PCDHA4: variants seen among roughly 807,000 people sequenced by gnomAD.
The protein encoded by PCDHA4 is protocadherin alpha-4.
PCDHA4 carries 49 observed loss-of-function variants against 61.4 expected under a neutral mutation model. The ratio of observed to expected loss-of-function variants is 0.80; its 90% confidence interval spans 0.63 to 1.01. PCDHA4 has a LOEUF of 1.01. PCDHA4 is among the 50% of genes least tolerant of loss of function. PCDHA4 has a pLI of 0.00. For missense variants in PCDHA4, 1,254 were observed against 1,235.8 expected (o/e 1.01, Z -0.22); for synonymous variants, 590 against 550.3 (o/e 1.07, Z -1.01).
At chr5:140,924,187 G>A (rs1238020963) in intron 1 of PCDHA4, among the ~76,000 whole-genome samples, 1 of 152,220 alleles carries the variant, frequency 6.6e-6, no homozygotes, top group Non-Finnish European at 1.5e-5. Flanking sequence ...CAGAAAATTA[G>A]TTTTGGTTTA....
chr5:140,905,493 T>C (rs185992010), intron 1 of PCDHA4, among the ~76,000 whole-genome samples: 10 of 152,288 alleles, frequency 6.6e-5, no homozygotes, highest in Non-Finnish European at 1.5e-4. Context: ...CTTCTTTTTG[T>C]TTTGTATTGC....
intron 1 of PCDHA4, among the ~76,000 whole-genome samples, chr5:140,977,388 T>C (rs1187960215): frequency 6.6e-6 from 1 of 152,248 alleles, no homozygotes; most frequent in East Asian, 1.9e-4. Flanking sequence ...TCCAGGTTTA[T>C]AAAATGATTT....
rs782208845 is a variant in PCDHA4 at position 140,857,288 on chromosome 5, C to G, written c.2385+47716C>G. ...ATTGGTGCTGGACAGCGCTCTGGAC[C>G]GCGAGAGGGTGTCGGCCTATGAGCT... On this transcript the variant is annotated intron_variant, in intron 1 of 3. Transcript: ENST00000530339. 42 of 1,598,652 alleles carry G rather than the reference C, an allele frequency of 2.6e-5. 1 individual carries two copies. The highest frequency in any genetic ancestry group is 3.3e-5 in the Non-Finnish European group (39 of 1,168,028).
Position 140,809,361 on chromosome 5 carries a change from C to T in PCDHA4, c.2174C>T (p.Ala725Val), listed in dbSNP as rs782686583. ...LLLYTALRCS[A>V]LPTEGACAPG... ...CTGTACACCGCGCTGCGGTGCTCTG[C>T]GCTGCCCACCGAGGGCGCGTGCGCT... Residue 725 changes from alanine (A) to valine (V), a missense_variant, in exon 1 of 4, where the codon GCG becomes GTG. Transcript: ENST00000530339. The T allele has an allele frequency of 6.2e-7, 1 of 1,613,904 alleles. No homozygotes were observed. The highest frequency in any genetic ancestry group is 2.2e-5 in the East Asian group (1 of 44,882).
intron 1 of PCDHA4, among the ~76,000 whole-genome samples, chr5:140,930,792 A>G (rs782797665): frequency 4.9e-4 from 74 of 152,228 alleles, no homozygotes; most frequent in Admixed American, 1.4e-3. Flanking sequence ...AATATAATAG[A>G]ATCCAGCATA....
intron 1 of PCDHA4, chr5:140,875,507 A>G: frequency 6.2e-7 from 1 of 1,613,674 alleles, no homozygotes. Context: ...CCGGGATCCC[A>G]GCGTCTGCTG....
chr5:140,872,791 G>A (rs549291235), intron 1 of PCDHA4, among the ~76,000 whole-genome samples: 1 of 152,194 alleles, frequency 6.6e-6, no homozygotes, highest in South Asian at 2.1e-4. Flanking sequence ...TATGCTAGTT[G>A]GCATTCTTCC....
chr5:140,856,155 A>G (rs533990024), intron 1 of PCDHA4: 1 of 1,598,294 alleles, frequency 6.3e-7, no homozygotes, highest in African/African-American at 1.3e-5. Context: ...TCAGTCTACG[A>G]GGAGGCCAGA....
At chr5:140,992,471 A>G (rs1563581785) in intron 3 of PCDHA4, among the ~76,000 whole-genome samples, 1 of 152,186 alleles carries the variant, frequency 6.6e-6, no homozygotes, top group Non-Finnish European at 1.5e-5. Context: ...TACTCTTTAG[A>G]TCACCCAGAG....
At chr5:140,963,608 G>A (rs1308315109) in intron 1 of PCDHA4, among the ~76,000 whole-genome samples, 2 of 152,186 alleles carry the variant, frequency 1.3e-5, no homozygotes, top group African/African-American at 2.4e-5. Context: ...ACGTAATTGG[G>A]AAAGCTTAAC....
chr5:140,976,644 A>G (rs1487728765), intron 1 of PCDHA4, among the ~76,000 whole-genome samples: 1 of 152,228 alleles, frequency 6.6e-6, no homozygotes, highest in Admixed American at 6.5e-5. Context: ...CAGACAAGTA[A>G]TTTAATCTCT....
rs1309730061 is a variant in PCDHA4, at chr5:140,826,016, T to G, written c.2385+16444T>G. 2.6e-5 allele frequency among the ~76,000 whole-genome samples: 4 copies of G among 152,338 alleles called. No homozygotes were observed. In the South Asian group the frequency reaches 8.3e-4, roughly 32 times the overall value. On this transcript the variant is annotated intron_variant, in intron 1 of 3. Coordinates refer to ENST00000530339, the MANE Select transcript of PCDHA4 (RefSeq NM_018907.4). ...AGTAAATAGTCCACACTTTACATGA[T>G]AAAATGTGAATTCCCTATTTCTGTT...
chr5:140,983,211 T>C (rs1429696975), intron 3 of PCDHA4, among the ~76,000 whole-genome samples: 1 of 152,204 alleles, frequency 6.6e-6, no homozygotes, highest in African/African-American at 2.4e-5. Context: ...AGGGACTATT[T>C]CCTAATCCAA....
chr5:140,809,166 C>A lies in PCDHA4; in HGVS notation c.1979C>A (p.Thr660Lys). The part of the protein sequence containing the change: ...LVKDHGEPAL[T>K]ATATVLVSLV... The stretch of plus-strand genomic sequence containing the variant: ...AAGGACCACGGCGAGCCCGCGCTGA[C>A]GGCCACGGCCACTGTGCTGGTGTCA... The change falls in exon 1 of 4, where the codon ACG becomes AAG. Residue 660 changes from threonine (T) to lysine (K), a missense_variant. Thr to Lys is a moderately conservative substitution (Grantham distance 78). Transcript: ENST00000530339. The A allele has an allele frequency of 1.2e-6, 2 of 1,613,942 alleles. No homozygotes were observed. The highest frequency in any genetic ancestry group is 1.7e-6 in the Non-Finnish European group (2 of 1,179,932).
rs1382247797 is a variant in PCDHA4 at position 141,012,282 on chromosome 5, C to T, written c.*2345C>T. 2.6e-5 allele frequency: 4 copies of T among 153,718 alleles called. No individual in the cohort carries two copies. Among genetic ancestry groups the T allele is most frequent in the Non-Finnish European group, 4.4e-5 (3 of 68,036 alleles). 9.5% of individuals were successfully genotyped at this position (153,718 alleles called of 1,614,324 possible). Reference sequence around the variant, plus strand: ...AAGGATAAAACACGTCATGTGGATTCATTTTGAATTGGTGCTATTGGTATT... The same window carrying T: ...AAGGATAAAACACGTCATGTGGATTTATTTTGAATTGGTGCTATTGGTATT... On this transcript the variant is annotated 3_prime_UTR_variant, in exon 4 of 4. Coordinates refer to ENST00000530339, the MANE Select transcript of PCDHA4 (RefSeq NM_018907.4).
chr5:140,842,062 C>G lies in PCDHA4; in HGVS notation c.2385+32490C>G, dbSNP rs548664799. The G allele has an allele frequency of 3.1e-6, 5 of 1,613,774 alleles. No individual in the cohort carries two copies. In the African/African-American group the frequency reaches 6.7e-5, roughly 22 times the overall value. ...CTCCCACTTTCGAACAGTCTGAATA[C>G]GAAGTAAGAATATTCGAAAACGCAG... On this transcript the variant is annotated intron_variant, in intron 1 of 3. Coordinates refer to ENST00000530339, the MANE Select transcript of PCDHA4 (RefSeq NM_018907.4).
intron 1 of PCDHA4, among the ~76,000 whole-genome samples, chr5:140,935,606 T>C (rs531169810): frequency 6.6e-6 from 1 of 152,352 alleles, no homozygotes; most frequent in East Asian, 1.9e-4. Flanking sequence ...GAGCTAGGCT[T>C]TTTTCAAGTC....
intron 1 of PCDHA4, among the ~76,000 whole-genome samples, chr5:140,961,995 TG>T (rs2095649493): frequency 1.3e-5 from 2 of 152,062 alleles, no homozygotes; most frequent in African/African-American, 4.8e-5. Flanking sequence ...GCCATTGTCC[TG>T]CCTCAGCTTC....
rs2150241896 is a variant in PCDHA4 at position 140,835,685 on chromosome 5, T to A, written c.2385+26113T>A. ...CCGCGCGGGACGGGGGCTCGCCTTC[T>A]CTGTGGGCCACTGCTAGCGTGTCCG... On this transcript the variant is annotated intron_variant, in intron 1 of 3. Transcript: ENST00000530339. 6.8e-6 allele frequency: 11 copies of A among 1,613,764 alleles called. No individual in the cohort carries two copies. The East Asian group carries it at 1.8e-4, about 26-fold the overall frequency.
Sources: allele counts gnomAD v4.1 joint callset (sites outside exome capture counted in the v4.1 genomes callset), GRCh38; gene constraint gnomAD v4.1.1; transcripts MANE v1.5; gene names NCBI Gene and HGNC (gene_info 2026-07-23, HGNC 2026-07-21).